Variants in CDIP1 observed in about 807,000 individuals in gnomAD.
The protein encoded by CDIP1 is cell death inducing p53 target 1, also known as cell death-inducing p53-target protein 1.
Under a neutral mutation model 17.7 loss-of-function variants are expected in CDIP1, and 9 were observed. That is an observed-to-expected ratio of 0.51 (90% CI 0.31 to 0.89). CDIP1 has a LOEUF of 0.89. CDIP1 is among the 40% of genes least tolerant of loss of function. The probability of loss-of-function intolerance (pLI) is 0.05; values close to 1 mark genes in which losing one functional copy is unlikely to be tolerated. For missense variants in CDIP1, 263 were observed against 277.9 expected (o/e 0.95, Z 0.38); for synonymous variants, 117 against 109.5 (o/e 1.07, Z -0.43).
Position 4,512,353 on chromosome 16 carries a change from G to T in CDIP1, c.*219C>A. 2 of 594,186 alleles carry T rather than the reference G, an allele frequency of 3.4e-6. No homozygotes were observed. The highest frequency in any genetic ancestry group is 1.9e-5 in the African/African-American group (1 of 53,900). The allele number at this position is 594,186 out of a possible 1,614,324, so 36.8% of individuals were successfully genotyped here. On this transcript the variant is annotated 3_prime_UTR_variant, in exon 6 of 6. Transcript: ENST00000567695. The surrounding 1 kb of genome is among the most constrained non-coding windows in gnomAD (Gnocchi z 4.6). The stretch of plus-strand genomic sequence containing the variant: ...CCAACAACACACAAGCTCATTGTCA[G>T]CCCCCTGCCACCCACTGACCCTTGG...
At chr16:4,526,228 A>G (rs2058999311) in intron 1 of CDIP1, among the ~76,000 whole-genome samples, 1 of 152,090 alleles carries the variant, frequency 6.6e-6, no homozygotes, top group African/African-American at 2.4e-5. Context: ...AACATGGTGA[A>G]ACTCTGTTTG....
At chr16:4,531,359 C>T (rs1013907886) in intron 1 of CDIP1, among the ~76,000 whole-genome samples, 14 of 151,178 alleles carry the variant, frequency 9.3e-5, no homozygotes, top group African/African-American at 3.4e-4. Flanking sequence ...GACGGGGTTT[C>T]GCCATGTTTG....
At chr16:4,518,266 G>C (rs1186622144) in intron 1 of CDIP1, among the ~76,000 whole-genome samples, 2 of 152,188 alleles carry the variant, frequency 1.3e-5, no homozygotes, top group Non-Finnish European at 2.9e-5. Context: ...TGATCTCCTA[G>C]AGCTCAAAAA....
intron 1 of CDIP1, among the ~76,000 whole-genome samples, chr16:4,529,210 CA>C (rs768796821): frequency 6.6e-6 from 1 of 152,132 alleles, no homozygotes; most frequent in African/African-American, 2.4e-5. Flanking sequence ...GTACTCCAGG[CA>C]AATGGAAAGT....
chr16:4,518,861 T>C (rs12102873), intron 1 of CDIP1, among the ~76,000 whole-genome samples: 4,666 of 152,176 alleles, frequency 0.031, 245 homozygotes, highest in African/African-American at 0.11. Context: ...GATCTGAAAA[T>C]GCAGCCCCAG....
Position 4,513,602 on chromosome 16 carries a change from A to G in CDIP1, c.241+94T>C. 3 of 1,132,562 alleles carry G rather than the reference A, an allele frequency of 2.6e-6. No individual in the cohort carries two copies. Among genetic ancestry groups the G allele is most frequent in the Non-Finnish European group, 3.9e-6 (3 of 772,630 alleles). The allele number at this position is 1,132,562 out of a possible 1,614,324, so 70.2% of individuals were successfully genotyped here. A position where few individuals can be genotyped will look rare whatever the true frequency, so the allele number is the denominator to read the frequency against. On this transcript the variant is annotated intron_variant, in intron 4 of 5. Transcript: ENST00000567695. The surrounding 1 kb of genome is among the most constrained non-coding windows in gnomAD (Gnocchi z 4.1). ...TTGGGCGTGTTGGAGTCCCTGCCCT[A>G]CAGCAGATGCCCACCTGTACTGAGG...
In CDIP1 at chr16:4,512,529, G is replaced by T; in HGVS notation, c.*43C>A. ...ACTGAGCACAGGGAGCAAAGCACAG[G>T]GGGCCAGACTGACAGGCGGGGGAGT... On this transcript the variant is annotated 3_prime_UTR_variant, in exon 6 of 6. Coordinates refer to ENST00000567695, the MANE Select transcript of CDIP1 (RefSeq NM_013399.3). This position sits in a 1 kb window ranked among gnomAD's most constrained non-coding sequence, Gnocchi z 4.6. 7.0e-7 allele frequency: 1 copy of T among 1,421,336 alleles called. No individual in the cohort carries two copies. The allele number at this position is 1,421,336 out of a possible 1,614,324, so 88.0% of individuals were successfully genotyped here. A position where few individuals can be genotyped will look rare whatever the true frequency, so the allele number is the denominator to read the frequency against.
At chr16:4,528,976 C>T (rs143533128) in intron 1 of CDIP1, among the ~76,000 whole-genome samples, 8 of 152,062 alleles carry the variant, frequency 5.3e-5, no homozygotes, top group East Asian at 1.9e-4. Flanking sequence ...GCAACAAGAG[C>T]GAAACTCCAT....
chr16:4,513,397 G>A lies in CDIP1; in HGVS notation c.241+299C>T, dbSNP rs1326266089. Among the ~76,000 whole-genome samples, 2 of 152,166 alleles carry A rather than the reference G, an allele frequency of 1.3e-5. No homozygotes were observed. Among genetic ancestry groups the A allele is most frequent in the Admixed American group, 1.3e-4 (2 of 15,280 alleles). Reference sequence around the variant, plus strand: ...CTCAGCCTCAAGCCCATGACCAAGAGAGGGAAAGCCTTGCGGGTCACCCAC... The same window carrying A: ...CTCAGCCTCAAGCCCATGACCAAGAAAGGGAAAGCCTTGCGGGTCACCCAC... On this transcript the variant is annotated intron_variant, in intron 4 of 5. Coordinates refer to ENST00000567695, the MANE Select transcript of CDIP1 (RefSeq NM_013399.3). The surrounding 1 kb of genome is among the most constrained non-coding windows in gnomAD (Gnocchi z 4.1).
chr16:4,513,021 G>A lies in CDIP1; in HGVS notation c.285C>T (p.Tyr95=), dbSNP rs754567792. 27 of 1,593,488 alleles carry A rather than the reference G, an allele frequency of 1.7e-5. No homozygotes were observed. The highest frequency in any genetic ancestry group is 1.6e-4 in the African/African-American group (12 of 74,742). ...GCCCTGGCGTGTAGGGCCCTGGGGGGTAGTAGCCCATGGGTGGGTGGGGGC... is the reference window on the plus strand; with the variant it reads ...GCCCTGGCGTGTAGGGCCCTGGGGGATAGTAGCCCATGGGTGGGTGGGGGC... ...PPGPHPPMGY[Y]PPGPYTPGPY... The change falls in exon 5 of 6, where the codon TAC becomes TAT. Residue 95 remains tyrosine (Y), a synonymous_variant. Coordinates refer to ENST00000567695, the MANE Select transcript of CDIP1 (RefSeq NM_013399.3). This position sits in a 1 kb window ranked among gnomAD's most constrained non-coding sequence, Gnocchi z 4.1.
intron 1 of CDIP1, among the ~76,000 whole-genome samples, chr16:4,518,121 C>A (rs979507615): frequency 2.0e-5 from 3 of 152,174 alleles, no homozygotes; most frequent in African/African-American, 7.2e-5. Flanking sequence ...CACTGAAGCA[C>A]CTGCAGATCC....
chr16:4,525,137 G>A (rs1394910328), intron 1 of CDIP1, among the ~76,000 whole-genome samples: 1 of 152,042 alleles, frequency 6.6e-6, no homozygotes, highest in Non-Finnish European at 1.5e-5. Flanking sequence ...AGTTCCTTAG[G>A]TCTGAAGGAA....
At chr16:4,524,401 C>T (rs1259676637) in intron 1 of CDIP1, 1 of 152,322 alleles carries the variant, frequency 6.6e-6, no homozygotes, top group Non-Finnish European at 1.5e-5. Flanking sequence ...AATCCACTCT[C>T]TCCCCCATTC....
intron 1 of CDIP1, among the ~76,000 whole-genome samples, chr16:4,530,366 T>C (rs376866240): frequency 3.2e-4 from 48 of 152,274 alleles, no homozygotes; most frequent in African/African-American, 1.1e-3. Flanking sequence ...AAACAGTATA[T>C]AGACTGGGTG....
chr16:4,538,066 A>G (rs936639226), intron 1 of CDIP1, among the ~76,000 whole-genome samples: 5 of 152,116 alleles, frequency 3.3e-5, no homozygotes, highest in African/African-American at 7.2e-5. Context: ...CCTTGAGAAA[A>G]CAACTCCCAC....
chr16:4,514,135 G>A lies in CDIP1; in HGVS notation c.-5C>T, dbSNP rs776296616. Reference sequence around the variant, plus strand: ...AGGGGGAGGCTCGCTGGACATCTTCGCTGCTTCTCCTGGACATGGAGGGAA... The same window carrying A: ...AGGGGGAGGCTCGCTGGACATCTTCACTGCTTCTCCTGGACATGGAGGGAA... On this transcript the variant is annotated 5_prime_UTR_variant, in exon 3 of 6. Transcript: ENST00000567695. The surrounding 1 kb of genome is among the most constrained non-coding windows in gnomAD (Gnocchi z 5.2). The A allele has an allele frequency of 2.2e-5, 34 of 1,534,414 alleles. No individual in the cohort carries two copies. In the Admixed American group the frequency reaches 4.0e-4, roughly 18 times the overall value.
At chr16:4,536,528 C>A (rs860891) in intron 1 of CDIP1, 1 of 151,892 alleles carries the variant, frequency 6.6e-6, no homozygotes, top group East Asian at 1.9e-4. Flanking sequence ...GCCTTCGGGA[C>A]GCATTCCGTT....
rs534171976 is a variant in CDIP1, at chr16:4,537,717, C to T, written c.-105+985G>A. Among the ~76,000 whole-genome samples, 5 of 152,338 alleles carry T rather than the reference C, an allele frequency of 3.3e-5. No individual in the cohort carries two copies. The East Asian group carries it at 7.7e-4, about 23-fold the overall frequency. ...CCTGGGGTGGGCCCCAGGAATCTGC[C>T]CGTTTCCCAAGAGCCCCAGGTGGTT... On this transcript the variant is annotated intron_variant, in intron 1 of 5. Transcript: ENST00000567695.
In CDIP1 at chr16:4,514,609, T is replaced by G. The variant is rs2058870476; in HGVS notation, c.-49A>C. 1 of 154,934 alleles carries G rather than the reference T, an allele frequency of 6.5e-6. No homozygotes were observed. The allele number at this position is 154,934 out of a possible 1,614,324, so 9.6% of individuals were successfully genotyped here. ...GTGCTACTCAGAGAAGGGAGGCAGG[T>G]GAGGCTCCTTCAGCTGCTGGCCTGG... On this transcript the variant is annotated 5_prime_UTR_variant, in exon 2 of 6. Transcript: ENST00000567695. This position sits in a 1 kb window ranked among gnomAD's most constrained non-coding sequence, Gnocchi z 5.2.
Sources: allele counts gnomAD v4.1 joint callset (sites outside exome capture counted in the v4.1 genomes callset), GRCh38; gene constraint gnomAD v4.1.1; non-coding constraint Gnocchi (gnomAD v3.1); transcripts MANE v1.5; gene names NCBI Gene and HGNC (gene_info 2026-07-23, HGNC 2026-07-21).